The following TSHZ2 variants were observed in gnomAD, a reference collection of about 807,000 sequenced individuals.
TSHZ2 encodes teashirt homolog 2.
Under a neutral mutation model 74.4 loss-of-function variants are expected in TSHZ2, and 21 were observed. That is an observed-to-expected ratio of 0.28 (90% confidence interval 0.20 to 0.41). The LOEUF (loss-of-function observed/expected upper bound fraction) is 0.41, where lower values mean the gene tolerates loss of function less well. Among genes scored for constraint, TSHZ2 ranks in the 10% least tolerant of loss-of-function variants. TSHZ2 has a pLI of 1.00. For synonymous variants in TSHZ2, 540 were observed against 515.3 expected (o/e 1.05, Z -0.65); for missense variants, 1,244 against 1,293.5 (o/e 0.96, Z 0.59).
intron 2 of TSHZ2, among the ~76,000 whole-genome samples, chr20:53,311,614 G>A (rs774252966): frequency 1.7e-4 from 26 of 152,314 alleles, no homozygotes; most frequent in Admixed American, 1.4e-3. Flanking sequence ...TCAGACACAC[G>A]TACACTGCCT....
At chr20:53,001,228 G>GTATGTGTGTGTGTGTGTGTGTGTGTGTA (rs57496923) in intron 1 of TSHZ2, among the ~76,000 whole-genome samples, 1 of 143,384 alleles carries the variant, frequency 7.0e-6, no homozygotes, top group African/African-American at 2.7e-5. Flanking sequence ...GTGTGTGTGT[G>GTATGTGTGTGTGTGTGTGTGTGTGTGTA]TGTGTGTGTG....
intron 1 of TSHZ2, among the ~76,000 whole-genome samples, chr20:53,027,891 T>A (rs1164899633): frequency 6.6e-6 from 1 of 151,994 alleles, no homozygotes; most frequent in African/African-American, 2.4e-5. Flanking sequence ...GATATTTTTT[T>A]TAAAAAAGAA....
At chr20:52,983,918 C>A (rs150709960) in intron 1 of TSHZ2, among the ~76,000 whole-genome samples, 73 of 152,320 alleles carry the variant, frequency 4.8e-4, no homozygotes, top group Non-Finnish European at 9.6e-4. Flanking sequence ...CCACGGGGAA[C>A]CCGCGCTCAT....
intron 2 of TSHZ2, among the ~76,000 whole-genome samples, chr20:53,397,286 TCAAA>T (rs1414527670): frequency 2.6e-5 from 4 of 151,780 alleles, no homozygotes; most frequent in Non-Finnish European, 5.9e-5. Flanking sequence ...CAAGAAAAAA[TCAAA>T]CAACCCCATC....
intron 1 of TSHZ2, among the ~76,000 whole-genome samples, chr20:53,251,717 A>G (rs548604997): frequency 6.6e-6 from 1 of 152,336 alleles, no homozygotes; most frequent in East Asian, 1.9e-4. Flanking sequence ...TATACATTTC[A>G]TCTTGTTTTA....
intron 2 of TSHZ2, among the ~76,000 whole-genome samples, chr20:53,417,175 G>A (rs1184004188): frequency 6.6e-6 from 1 of 150,492 alleles, no homozygotes; most frequent in Non-Finnish European, 1.5e-5. Context: ...GAAACTGTAG[G>A]TAAGAACTAA....
chr20:53,157,089 A>G (rs574776807), intron 1 of TSHZ2, among the ~76,000 whole-genome samples: 6 of 152,312 alleles, frequency 3.9e-5, no homozygotes, highest in African/African-American at 1.4e-4. Flanking sequence ...CTGCTTTCGT[A>G]TCTGCCCTTT....
chr20:53,190,122 TATATATATATATATA>T (rs1988699019), intron 1 of TSHZ2, among the ~76,000 whole-genome samples: 1 of 94,674 alleles, frequency 1.1e-5, no homozygotes, highest in Non-Finnish European at 2.1e-5. Context: ...TATATATATA[TATATATATATATATA>T]TTTTCTTAAA....
chr20:53,054,609 A>G (rs1222450523), intron 1 of TSHZ2, among the ~76,000 whole-genome samples: 1 of 152,184 alleles, frequency 6.6e-6, no homozygotes, highest in Non-Finnish European at 1.5e-5. Flanking sequence ...CAACAGCAAG[A>G]GATGTAGATT....
chr20:53,293,082 C>T (rs1991311007), intron 2 of TSHZ2, among the ~76,000 whole-genome samples: 1 of 152,212 alleles, frequency 6.6e-6, no homozygotes, highest in Non-Finnish European at 1.5e-5. Context: ...AAACCCACCA[C>T]CATTAGCACA....
intron 1 of TSHZ2, among the ~76,000 whole-genome samples, chr20:53,233,917 A>G (rs922451120): frequency 3.9e-5 from 6 of 152,216 alleles, no homozygotes; most frequent in African/African-American, 1.4e-4. Context: ...CCAAGCAATT[A>G]AAAACTTTTT....
chr20:53,062,917 T>A (rs1390582197), intron 1 of TSHZ2, among the ~76,000 whole-genome samples: 1 of 152,182 alleles, frequency 6.6e-6, no homozygotes, highest in Non-Finnish European at 1.5e-5. Flanking sequence ...CCTCTGCTTT[T>A]CACTTGAATA....
intron 2 of TSHZ2, among the ~76,000 whole-genome samples, chr20:53,318,473 G>A (rs1163601763): frequency 6.6e-6 from 1 of 152,204 alleles, no homozygotes; most frequent in African/African-American, 2.4e-5. Context: ...CTTGTGTGAT[G>A]ATGTGAAGAG....
At chr20:53,291,035 T>C (rs1568854336) in intron 2 of TSHZ2, among the ~76,000 whole-genome samples, 1 of 152,222 alleles carries the variant, frequency 6.6e-6, no homozygotes, top group Non-Finnish European at 1.5e-5. Flanking sequence ...CCATGGCCTA[T>C]GCAGTAGCTG....
chr20:53,142,725 A>G (rs113551283), intron 1 of TSHZ2, among the ~76,000 whole-genome samples: 11 of 152,148 alleles, frequency 7.2e-5, no homozygotes, highest in African/African-American at 2.6e-4. Flanking sequence ...TCATTTGCAG[A>G]GTGCATTCAA....
chr20:53,006,270 T>G (rs1982641037), intron 1 of TSHZ2, among the ~76,000 whole-genome samples: 1 of 152,124 alleles, frequency 6.6e-6, no homozygotes, highest in South Asian at 2.1e-4. Context: ...ATTGCAAGAG[T>G]AGTTATTAAA....
intron 1 of TSHZ2, among the ~76,000 whole-genome samples, chr20:53,165,396 C>T (rs963459634): frequency 6.6e-6 from 1 of 152,166 alleles, no homozygotes; most frequent in Non-Finnish European, 1.5e-5. Context: ...AACATCACAC[C>T]ATGAAGCTGT....
At chr20:53,006,049 T>C (rs1272832841) in intron 1 of TSHZ2, among the ~76,000 whole-genome samples, 1 of 152,228 alleles carries the variant, frequency 6.6e-6, no homozygotes, top group African/African-American at 2.4e-5. Context: ...GCACTCAAAA[T>C]GCTTAACTTA....
At chr20:53,243,621 T>C (rs985456265) in intron 1 of TSHZ2, among the ~76,000 whole-genome samples, 1 of 152,108 alleles carries the variant, frequency 6.6e-6, no homozygotes, top group Non-Finnish European at 1.5e-5. Flanking sequence ...ATCTGAGCCA[T>C]TTAAGGATAC....
Sources: allele counts gnomAD v4.1 joint callset (sites outside exome capture counted in the v4.1 genomes callset), GRCh38; gene constraint gnomAD v4.1.1; transcripts MANE v1.5; gene names NCBI Gene and HGNC (gene_info 2026-07-23, HGNC 2026-07-21).